The following CSGALNACT1 variants were observed in gnomAD, a reference collection of about 807,000 sequenced individuals.
CSGALNACT1 encodes the protein chondroitin sulfate N-acetylgalactosaminyltransferase 1.
In CSGALNACT1, 52 loss-of-function variants were observed where a neutral mutation model predicts 51.0. The observed-to-expected ratio is 1.02, with a 90% CI of 0.82 to 1.29. The LOEUF (loss-of-function observed/expected upper bound fraction) is 1.29. CSGALNACT1 is among the 50% of genes most tolerant of loss of function. The pLI, the probability that CSGALNACT1 is intolerant of heterozygous loss-of-function variation, is 0.00. For missense variants in CSGALNACT1, 935 were observed against 679.2 expected (o/e 1.38, Z -4.19); for synonymous variants, 341 against 254.4 (o/e 1.34, Z -3.24).
At chr8:19,482,476 G>A (rs1477009750) in intron 4 of CSGALNACT1, among the ~76,000 whole-genome samples, 2 of 152,000 alleles carry the variant, frequency 1.3e-5, no homozygotes, top group Non-Finnish European at 2.9e-5. Flanking sequence ...GACTTCTTCT[G>A]CTACATCCAA....
At chr8:19,741,559 TC>T (rs1468913881) in intron 1 of CSGALNACT1, among the ~76,000 whole-genome samples, 63 of 53,814 alleles carry the variant, frequency 1.2e-3, no homozygotes, top group South Asian at 7.6e-3. Context: ...TGAGACTCCA[TC>T]AAAAAAAAAA....
intron 2 of CSGALNACT1, among the ~76,000 whole-genome samples, chr8:19,599,524 G>GAAAGAAAGAAAT (rs1302157566): frequency 1.3e-5 from 1 of 78,392 alleles, no homozygotes; most frequent in Non-Finnish European, 2.8e-5. Flanking sequence ...AAGAAAGAAA[G>GAAAGAAAGAAAT]AAAAGAAAGA....
intron 7 of CSGALNACT1, among the ~76,000 whole-genome samples, chr8:19,419,585 G>T (rs780617716): frequency 6.6e-6 from 1 of 152,170 alleles, no homozygotes; most frequent in South Asian, 2.1e-4. Context: ...TTAGTACTGT[G>T]GGTTCTTTGT....
At chr8:19,572,787 T>A (rs1030481871) in intron 3 of CSGALNACT1, among the ~76,000 whole-genome samples, 1 of 152,218 alleles carries the variant, frequency 6.6e-6, no homozygotes, top group Non-Finnish European at 1.5e-5. Flanking sequence ...CTGGGGTCAC[T>A]GATAATTGAC....
At chr8:19,425,588 T>C (rs2058652249) in intron 6 of CSGALNACT1, among the ~76,000 whole-genome samples, 1 of 152,176 alleles carries the variant, frequency 6.6e-6, no homozygotes, top group Admixed American at 6.5e-5. Flanking sequence ...AGTGGAAGCA[T>C]CTACCTCACT....
intron 3 of CSGALNACT1, among the ~76,000 whole-genome samples, chr8:19,537,577 A>G (rs2084051816): frequency 6.6e-6 from 1 of 152,138 alleles, no homozygotes; most frequent in South Asian, 2.1e-4. Flanking sequence ...TCTGCCAGAG[A>G]CTACCCTTCC....
At position 19,701,771 on chromosome 8, in the gene CSGALNACT1, T is replaced by A. The variant is rs137987815; in HGVS notation, c.-297+56079A>T. Among the ~76,000 whole-genome samples the A allele has an allele frequency of 8.1e-4, 124 of 152,298 alleles. 2 individuals carry two copies. The East Asian group carries it at 0.02, about 25-fold the overall frequency. The stretch of plus-strand genomic sequence containing the variant: ...GAAAGTTTAAGTAATTTACCCAAGA[T>A]CTTGTGGCTAATAAGTGGTAAGACT... On this transcript the variant is annotated intron_variant, in intron 1 of 1. Coordinates refer to the CSGALNACT1 transcript ENST00000517494.
At position 19,537,142 on chromosome 8, in the gene CSGALNACT1, G is replaced by A. The variant is rs148327465; in HGVS notation, c.-296-31012C>T. Among the ~76,000 whole-genome samples, 18 of 152,268 alleles carry A rather than the reference G, an allele frequency of 1.2e-4. No individual in the cohort carries two copies. In the East Asian group the frequency reaches 1.9e-3, roughly 16 times the overall value. The stretch of plus-strand genomic sequence containing the variant: ...CCTTTAAGCAGAATTCTTTCCTCAT[G>A]AGTAAGCAGAAACTAGCTCTGGAAA... On this transcript the variant is annotated intron_variant, in intron 3 of 9. Coordinates refer to ENST00000454498, the Ensembl canonical transcript of CSGALNACT1.
intron 5 of CSGALNACT1, among the ~76,000 whole-genome samples, chr8:19,448,377 T>A (rs914912868): frequency 6.6e-6 from 1 of 152,192 alleles, no homozygotes; most frequent in Admixed American, 6.5e-5. Context: ...CAGGTTTTCC[T>A]GCGATTTTCC....
At chr8:19,465,517 C>G (rs145469942) in intron 4 of CSGALNACT1, among the ~76,000 whole-genome samples, 11 of 152,306 alleles carry the variant, frequency 7.2e-5, no homozygotes, top group African/African-American at 2.6e-4. Flanking sequence ...TATTGACCAC[C>G]ATAACTGCTG....
chr8:19,686,315 A>T (rs979124337), upstream of CSGALNACT1, among the ~76,000 whole-genome samples: 4 of 152,228 alleles, frequency 2.6e-5, no homozygotes, highest in Non-Finnish European at 5.9e-5. Flanking sequence ...AGGAAAAAAA[A>T]CTAGAAGAAT....
At chr8:19,694,625 G>T (rs1446352704) in intron 1 of CSGALNACT1, among the ~76,000 whole-genome samples, 1 of 152,182 alleles carries the variant, frequency 6.6e-6, no homozygotes, top group Non-Finnish European at 1.5e-5. Flanking sequence ...CTCAGTTAGT[G>T]CTCACGAGGC....
At chr8:19,576,923 T>G (rs2044356588) in intron 3 of CSGALNACT1, among the ~76,000 whole-genome samples, 1 of 152,056 alleles carries the variant, frequency 6.6e-6, no homozygotes, top group African/African-American at 2.4e-5. Context: ...GTGCAATCAC[T>G]GGCCATCCAA....
chr8:19,471,169 G>A (rs1488956348), intron 4 of CSGALNACT1, among the ~76,000 whole-genome samples: 1 of 152,034 alleles, frequency 6.6e-6, no homozygotes, highest in Non-Finnish European at 1.5e-5. Context: ...TGATCTTGGG[G>A]CACACTCCAC....
chr8:19,508,357 T>C (rs2077774979), intron 3 of CSGALNACT1, among the ~76,000 whole-genome samples: 1 of 152,236 alleles, frequency 6.6e-6, no homozygotes, highest in Admixed American at 6.5e-5. Context: ...TTCTGAGAAA[T>C]TCAACACTTA....
chr8:19,486,604 T>C (rs909056560), intron 4 of CSGALNACT1, among the ~76,000 whole-genome samples: 3 of 152,178 alleles, frequency 2.0e-5, no homozygotes, highest in African/African-American at 7.2e-5. Flanking sequence ...CCTTCAGGTA[T>C]AGGCATGGGT....
chr8:19,626,612 A>C (rs1033281336), intron 1 of CSGALNACT1, among the ~76,000 whole-genome samples: 3 of 152,254 alleles, frequency 2.0e-5, no homozygotes, highest in African/African-American at 7.2e-5. Flanking sequence ...TTTTCCACAA[A>C]GTATCTTGGG....
At chr8:19,596,606 GACA>G (rs1160670855) in intron 2 of CSGALNACT1, among the ~76,000 whole-genome samples, 1 of 145,214 alleles carries the variant, frequency 6.9e-6, no homozygotes, top group Non-Finnish European at 1.5e-5. Context: ...AAAAAAAAAA[GACA>G]ACAAAGTCTA....
chr8:19,700,400 A>G (rs552359140), intron 1 of CSGALNACT1, among the ~76,000 whole-genome samples: 4 of 152,242 alleles, frequency 2.6e-5, no homozygotes, highest in African/African-American at 7.2e-5. Context: ...GATCTTTCCT[A>G]TCTACAAAAT....
Sources: allele counts gnomAD v4.1 joint callset (sites outside exome capture counted in the v4.1 genomes callset), GRCh38; gene constraint gnomAD v4.1.1; transcripts MANE v1.5; gene names NCBI Gene and HGNC (gene_info 2026-07-23, HGNC 2026-07-21).